Variants in ARHGAP12 observed in about 807,000 individuals in gnomAD.
ARHGAP12 encodes the protein Rho GTPase activating protein 12.
Under a neutral mutation model 108.6 loss-of-function variants are expected in ARHGAP12, and 64 were observed. The observed-to-expected ratio is 0.59, with a 90% CI of 0.48 to 0.73. The LOEUF is 0.73. Ranked by LOEUF, ARHGAP12 falls within the 30% of genes least tolerant of loss-of-function variation. The probability of loss-of-function intolerance (pLI) is 0.00; values close to 1 mark genes in which losing one functional copy is unlikely to be tolerated. For missense variants in ARHGAP12, 940 were observed against 1,005.9 expected (o/e 0.93, Z 0.89); for synonymous variants, 312 against 337.2 (o/e 0.93, Z 0.82).
chr10:31,916,720 G>A (rs1428783186), intron 1 of ARHGAP12, among the ~76,000 whole-genome samples: 2 of 152,054 alleles, frequency 1.3e-5, no homozygotes, highest in African/African-American at 2.4e-5. Flanking sequence ...GGGTTCAAGC[G>A]ATTCTCCTGC....
At chr10:31,847,569 T>C (rs967372080) in intron 6 of ARHGAP12, among the ~76,000 whole-genome samples, 3 of 152,192 alleles carry the variant, frequency 2.0e-5, no homozygotes, top group African/African-American at 7.2e-5. Context: ...TCTAGGACCT[T>C]ATACACAGTT....
At chr10:31,857,890 C>G (rs1836944691) in intron 4 of ARHGAP12, among the ~76,000 whole-genome samples, 1 of 152,116 alleles carries the variant, frequency 6.6e-6, no homozygotes, top group South Asian at 2.1e-4. Flanking sequence ...ATTAACAGAT[C>G]CTCATGAAGG....
chr10:31,889,751 C>G (rs370263598), intron 3 of ARHGAP12, among the ~76,000 whole-genome samples: 2 of 150,742 alleles, frequency 1.3e-5, no homozygotes, highest in African/African-American at 4.9e-5. Context: ...CTCAGCCTCA[C>G]GAGTAGCTGG....
chr10:31,858,143 C>A (rs948932683), intron 4 of ARHGAP12, among the ~76,000 whole-genome samples: 7 of 152,022 alleles, frequency 4.6e-5, no homozygotes, highest in Non-Finnish European at 7.4e-5. Flanking sequence ...TTTGAGACTG[C>A]AGTGAGAGCT....
intron 12 of ARHGAP12, among the ~76,000 whole-genome samples, chr10:31,819,733 C>A (rs1592250628): frequency 6.6e-6 from 1 of 152,208 alleles, no homozygotes; most frequent in East Asian, 1.9e-4. Context: ...TCACTTGAGA[C>A]CATCCAGTTC....
intron 9 of ARHGAP12, among the ~76,000 whole-genome samples, chr10:31,837,962 T>C (rs750149998): frequency 1.3e-5 from 2 of 152,118 alleles, no homozygotes; most frequent in Non-Finnish European, 2.9e-5. Flanking sequence ...CTCTGTCTGG[T>C]GGGGAAGACA....
chr10:31,844,836 C>A (rs1250726257), intron 6 of ARHGAP12, among the ~76,000 whole-genome samples: 1 of 152,050 alleles, frequency 6.6e-6, no homozygotes, highest in East Asian at 1.9e-4. Flanking sequence ...GTTCCCTACC[C>A]ACCAACGACT....
At chr10:31,857,192 AT>A (rs2132295846) in intron 4 of ARHGAP12, among the ~76,000 whole-genome samples, 1 of 152,338 alleles carries the variant, frequency 6.6e-6, no homozygotes, top group African/African-American at 2.4e-5. Context: ...ACGTGGCAAA[AT>A]TTTAACCATT....
At chr10:31,872,881 A>G (rs1158587683) in intron 3 of ARHGAP12, among the ~76,000 whole-genome samples, 1 of 152,144 alleles carries the variant, frequency 6.6e-6, no homozygotes, top group Non-Finnish European at 1.5e-5. Flanking sequence ...TTCTATTATT[A>G]ATGCATACCA....
intron 3 of ARHGAP12, among the ~76,000 whole-genome samples, chr10:31,878,635 A>G (rs1158497167): frequency 6.6e-6 from 1 of 152,234 alleles, no homozygotes; most frequent in African/African-American, 2.4e-5. Flanking sequence ...GTCCAAATCC[A>G]GCCTGCTGCC....
intron 3 of ARHGAP12, among the ~76,000 whole-genome samples, chr10:31,894,874 C>G (rs1043183980): frequency 6.6e-6 from 1 of 152,184 alleles, no homozygotes; most frequent in African/African-American, 2.4e-5. Flanking sequence ...GTAACCAAAA[C>G]AGCATGGTAC....
chr10:31,831,830 A>G, intron 9 of ARHGAP12, 30 bp from the exon 10 acceptor site: 1 of 1,407,474 alleles, frequency 7.1e-7, no homozygotes, highest in Non-Finnish European at 9.8e-7. Flanking sequence ...TGTTTATACA[A>G]TCACATAGAC....
intron 9 of ARHGAP12, 84 bp from the exon 10 acceptor site, chr10:31,831,884 C>T (rs1213549755): frequency 4.1e-6 from 3 of 723,266 alleles, no homozygotes; most frequent in African/African-American, 3.6e-5. Flanking sequence ...AACATGGTCT[C>T]GTTCTCTAAA....
At chr10:31,873,735 A>C (rs991057056) in intron 3 of ARHGAP12, among the ~76,000 whole-genome samples, 1 of 152,226 alleles carries the variant, frequency 6.6e-6, no homozygotes. Flanking sequence ...CAATCCATAG[A>C]ATATTTCAAG....
At chr10:31,850,227 A>C (rs890297819) in intron 6 of ARHGAP12, among the ~76,000 whole-genome samples, 10 of 152,238 alleles carry the variant, frequency 6.6e-5, no homozygotes, top group Non-Finnish European at 1.5e-4. Flanking sequence ...ATGTTTATTT[A>C]ATTATTGTAT....
chr10:31,839,002 C>G (rs188900359), intron 9 of ARHGAP12, among the ~76,000 whole-genome samples: 1 of 151,784 alleles, frequency 6.6e-6, no homozygotes. Flanking sequence ...GACAACAGAG[C>G]GCAACCATGT....
At chr10:31,849,826 T>C (rs897662270) in intron 6 of ARHGAP12, among the ~76,000 whole-genome samples, 1 of 152,232 alleles carries the variant, frequency 6.6e-6, no homozygotes, top group Non-Finnish European at 1.5e-5. Context: ...AAATACCCTT[T>C]GAGGTCTTGA....
chr10:31,923,277 C>T (rs1002989173), intron 1 of ARHGAP12, among the ~76,000 whole-genome samples: 5 of 151,984 alleles, frequency 3.3e-5, no homozygotes, highest in Non-Finnish European at 5.9e-5. Flanking sequence ...AGAAATGTCA[C>T]CACACATCTC....
chr10:31,919,168 G>C (rs1248263231), intron 1 of ARHGAP12, among the ~76,000 whole-genome samples: 1 of 152,180 alleles, frequency 6.6e-6, no homozygotes, highest in Non-Finnish European at 1.5e-5. Context: ...GGTACCTAGA[G>C]TAGTCAAATT....
Sources: gnomAD v4.1 joint callset for allele counts (sites outside exome capture counted in the v4.1 genomes callset) on GRCh38, gnomAD v4.1.1 for gene constraint, MANE v1.5 for transcripts, NCBI Gene and HGNC (gene_info 2026-07-23, HGNC 2026-07-21) for gene names.